The following PLD5 variants were observed in gnomAD, a reference collection of about 807,000 sequenced individuals.
PLD5 encodes the protein phospholipase D family member 5.
In PLD5, 36 loss-of-function variants were observed where a neutral mutation model predicts 61.1. That is an observed-to-expected ratio of 0.59 (90% CI 0.45 to 0.78). The LOEUF (loss-of-function observed/expected upper bound fraction) is 0.78, where lower values mean the gene tolerates loss of function less well. Among genes scored for constraint, PLD5 ranks in the 30% least tolerant of loss-of-function variants. The pLI, the probability that PLD5 is intolerant of heterozygous loss-of-function variation, is 0.00. For missense variants in PLD5, 515 were observed against 644.4 expected (o/e 0.80, Z 2.17); for synonymous variants, 243 against 242.8 (o/e 1.00, Z -0.01).
intron 1 of PLD5, among the ~76,000 whole-genome samples, chr1:242,473,057 T>C (rs1667490321): frequency 6.6e-6 from 1 of 152,166 alleles, no homozygotes; most frequent in Non-Finnish European, 1.5e-5. Context: ...AGAAGAATGT[T>C]CAAGTATGAT....
chr1:242,121,652 T>C (rs1558242877), intron 6 of PLD5, among the ~76,000 whole-genome samples: 1 of 152,144 alleles, frequency 6.6e-6, no homozygotes, highest in Non-Finnish European at 1.5e-5. Context: ...ATATGTTTAT[T>C]GCGGCGCTAT....
intron 5 of PLD5, among the ~76,000 whole-genome samples, chr1:242,173,540 G>A (rs1223194362): frequency 7.9e-5 from 12 of 151,960 alleles, no homozygotes; most frequent in Non-Finnish European, 1.6e-4. Flanking sequence ...CACAGAATTG[G>A]AAAAAATTAA....
chr1:242,138,095 C>T lies in PLD5; in HGVS notation c.736-13430G>A, dbSNP rs957743006. Among the ~76,000 whole-genome samples the T allele has an allele frequency of 3.9e-5, 6 of 152,296 alleles. No individual in the cohort carries two copies. In the East Asian group the frequency reaches 9.7e-4, roughly 25 times the overall value. On this transcript the variant is annotated intron_variant, in intron 5 of 9. Transcript: ENST00000536534. ...TCAAATGATAATTTTGCCAATCTTA[C>T]AAGCAATGCAATTTTTATAAAAAGG...
chr1:242,183,619 G>C (rs1275172393), intron 5 of PLD5, among the ~76,000 whole-genome samples: 1 of 152,176 alleles, frequency 6.6e-6, no homozygotes, highest in African/African-American at 2.4e-5. Context: ...ACCTAGGCCG[G>C]GCGCGGTGGC....
intron 1 of PLD5, among the ~76,000 whole-genome samples, chr1:242,407,978 C>T (rs34579548): frequency 0.067 from 10,270 of 152,226 alleles, 433 homozygotes; most frequent in Middle Eastern, 0.18. Context: ...CATCACTGCA[C>T]GTAGCTATTA....
chr1:242,204,457 C>T (rs1471165590), intron 5 of PLD5, among the ~76,000 whole-genome samples: 2 of 152,132 alleles, frequency 1.3e-5, no homozygotes, highest in Non-Finnish European at 2.9e-5. Flanking sequence ...TTGCTGCCCA[C>T]CTTGCTGTAC....
chr1:242,150,453 A>ATTT (rs1664848778), intron 5 of PLD5, among the ~76,000 whole-genome samples: 1 of 151,566 alleles, frequency 6.6e-6, no homozygotes, highest in Admixed American at 6.6e-5. Flanking sequence ...TTATACTATT[A>ATTT]TTTGTTTTTG....
intron 5 of PLD5, among the ~76,000 whole-genome samples, chr1:242,131,763 T>G (rs538067577): frequency 6.6e-6 from 1 of 152,136 alleles, no homozygotes; most frequent in Non-Finnish European, 1.5e-5. Flanking sequence ...CCTAGGTGTT[T>G]TGGGTTTCAA....
chr1:242,223,978 G>T (rs1670770671), intron 4 of PLD5, among the ~76,000 whole-genome samples: 1 of 151,766 alleles, frequency 6.6e-6, no homozygotes, highest in Admixed American at 6.6e-5. Flanking sequence ...GTTGGTTATA[G>T]AAATAATTTT....
chr1:242,519,661 C>A (rs1263683012), intron 1 of PLD5, among the ~76,000 whole-genome samples: 1 of 152,136 alleles, frequency 6.6e-6, no homozygotes, highest in Non-Finnish European at 1.5e-5. Context: ...GCAGGACCAG[C>A]TGAGAGAGTG....
intron 1 of PLD5, among the ~76,000 whole-genome samples, chr1:242,434,993 C>T (rs182201616): frequency 3.9e-5 from 6 of 152,096 alleles, no homozygotes; most frequent in South Asian, 4.2e-4. Context: ...GTATTAAGCC[C>T]GTATGCATTA....
intron 7 of PLD5, among the ~76,000 whole-genome samples, chr1:242,112,535 G>A (rs1661612339): frequency 6.6e-6 from 1 of 152,058 alleles, no homozygotes; most frequent in Admixed American, 6.6e-5. Context: ...TAAAATAAAA[G>A]TATTTCAATA....
chr1:242,202,516 T>G (rs1441406037), intron 5 of PLD5, among the ~76,000 whole-genome samples: 1 of 152,120 alleles, frequency 6.6e-6, no homozygotes, highest in Non-Finnish European at 1.5e-5. Flanking sequence ...GTTCCTCCAC[T>G]GAATCCCTGG....
At chr1:242,169,239 C>A (rs1370222242) in intron 5 of PLD5, among the ~76,000 whole-genome samples, 1 of 152,086 alleles carries the variant, frequency 6.6e-6, no homozygotes, top group Non-Finnish European at 1.5e-5. Flanking sequence ...ACTGAGGTAC[C>A]AGGTTCATCT....
chr1:242,352,607 T>C (rs1018967428), intron 1 of PLD5, among the ~76,000 whole-genome samples: 4 of 152,128 alleles, frequency 2.6e-5, no homozygotes, highest in South Asian at 2.1e-4. Context: ...CTATTTTTAG[T>C]TTTTTGAGGA....
intron 4 of PLD5, among the ~76,000 whole-genome samples, chr1:242,234,819 T>TAA (rs1390231970): frequency 6.6e-6 from 1 of 151,550 alleles, no homozygotes; most frequent in Non-Finnish European, 1.5e-5. Flanking sequence ...CAGAGTGCAG[T>TAA]AGGAGGGAGG....
chr1:242,524,041 A>T (rs915582689), intron 1 of PLD5, 47 bp downstream of exon 1: 1 of 1,509,764 alleles, frequency 6.6e-7, no homozygotes. Context: ...GGGAGGGTGC[A>T]TGCGGCAGGT....
At chr1:242,456,884 G>C (rs775810418) in intron 1 of PLD5, among the ~76,000 whole-genome samples, 3 of 152,012 alleles carry the variant, frequency 2.0e-5, no homozygotes, top group Admixed American at 2.0e-4. Context: ...CACTGCGTCC[G>C]TAACACTATT....
intron 2 of PLD5, among the ~76,000 whole-genome samples, chr1:242,344,862 A>G (rs1660038793): frequency 6.6e-6 from 1 of 152,172 alleles, no homozygotes; most frequent in Non-Finnish European, 1.5e-5. Context: ...AAAAAAGGGT[A>G]TAATTGGACT....
Sources: allele counts gnomAD v4.1 joint callset (sites outside exome capture counted in the v4.1 genomes callset), GRCh38; gene constraint gnomAD v4.1.1; transcripts MANE v1.5; gene names NCBI Gene and HGNC (gene_info 2026-07-23, HGNC 2026-07-21).